Variants in EYS observed in about 807,000 individuals in gnomAD.
EYS encodes the protein EGF-like photoreceptor maintenance factor.
EYS carries 250 observed loss-of-function variants against 282.1 expected under a neutral mutation model. The ratio of observed to expected loss-of-function variants is 0.89; its 90% CI spans 0.80 to 0.98. EYS has a LOEUF of 0.98. EYS is among the 50% of genes least tolerant of loss of function. The pLI, the probability that EYS is intolerant of heterozygous loss-of-function variation, is 0.00. For synonymous variants in EYS, 1,355 were observed against 1,282.9 expected (o/e 1.06, Z -1.20); for missense variants, 4,016 against 3,709.0 (o/e 1.08, Z -2.15).
intron 30 of EYS, among the ~76,000 whole-genome samples, chr6:64,281,326 G>A (rs1350748432): frequency 6.6e-6 from 1 of 152,068 alleles, no homozygotes; most frequent in Admixed American, 6.6e-5. Flanking sequence ...TGTGAGAAAT[G>A]AGTAGTGCTA....
chr6:64,877,091 G>T (rs913432079), intron 19 of EYS, among the ~76,000 whole-genome samples: 2 of 152,132 alleles, frequency 1.3e-5, no homozygotes, highest in African/African-American at 2.4e-5. Flanking sequence ...TTGCAATATA[G>T]GTTGTGAAAG....
intron 8 of EYS, among the ~76,000 whole-genome samples, chr6:65,367,625 C>T (rs1202659769): frequency 2.0e-5 from 3 of 151,418 alleles, no homozygotes; most frequent in African/African-American, 7.3e-5. Context: ...AAAAGTTCCG[C>T]TGAAAAAAAG....
At chr6:64,655,357 C>T (rs570885574) in intron 22 of EYS, among the ~76,000 whole-genome samples, 1 of 87,442 alleles carries the variant, frequency 1.1e-5, no homozygotes, top group Admixed American at 1.1e-4. Flanking sequence ...TCTTTTTCTG[C>T]TCAAAGTCTA....
intron 22 of EYS, among the ~76,000 whole-genome samples, chr6:64,694,302 A>G (rs1445980990): frequency 6.6e-6 from 1 of 152,204 alleles, no homozygotes; most frequent in Non-Finnish European, 1.5e-5. Context: ...AAACCATTGA[A>G]TGCTTTTAAA....
At chr6:65,443,867 G>GA (rs1215729590) in intron 5 of EYS, among the ~76,000 whole-genome samples, 1 of 151,516 alleles carries the variant, frequency 6.6e-6, no homozygotes, top group Non-Finnish European at 1.5e-5. Context: ...TAAATTAAAT[G>GA]AAAAAAATCT....
chr6:64,340,978 A>C (rs761264351), intron 29 of EYS, among the ~76,000 whole-genome samples: 60 of 151,738 alleles, frequency 4.0e-4, no homozygotes, highest in Non-Finnish European at 7.8e-4. Context: ...CATTGTCACT[A>C]ATCATCAGAG....
chr6:63,747,431 G>A (rs915555536), intron 41 of EYS, among the ~76,000 whole-genome samples: 5 of 152,144 alleles, frequency 3.3e-5, no homozygotes, highest in Admixed American at 2.0e-4. Flanking sequence ...TGTTGATTTG[G>A]GGTAAAGAGT....
chr6:65,424,318 G>A (rs1323944954), intron 5 of EYS, among the ~76,000 whole-genome samples: 1 of 151,154 alleles, frequency 6.6e-6, no homozygotes, highest in Admixed American at 6.6e-5. Flanking sequence ...TTTTCTGATG[G>A]TCTGTGAATT....
rs749901918 is a variant in EYS, at chr6:65,271,836, AG to A, written c.2023+24026del. 9.2e-5 allele frequency among the ~76,000 whole-genome samples: 14 copies of A among 152,238 alleles called. No individual in the cohort carries two copies. The East Asian group carries it at 1.6e-3, about 17-fold the overall frequency. ...TGACGTCAAGCGATCCACCTGCCTC[AG>A]CCTCCCAAAGTGCTGGAATTGCAGG... On this transcript the variant is annotated intron_variant, in intron 12 of 42. Coordinates refer to ENST00000503581, the MANE Select transcript of EYS (RefSeq NM_001142800.2).
chr6:63,853,938 A>G (rs982869898), intron 36 of EYS, among the ~76,000 whole-genome samples: 2 of 152,074 alleles, frequency 1.3e-5, no homozygotes, highest in African/African-American at 4.8e-5. Context: ...CATATGCAGA[A>G]AACTGAAACT....
At chr6:64,647,655 AC>A (rs1464709969) in intron 22 of EYS, among the ~76,000 whole-genome samples, 1 of 152,188 alleles carries the variant, frequency 6.6e-6, no homozygotes, top group East Asian at 1.9e-4. Context: ...TAATGAACAT[AC>A]ATTGTTTCTA....
intron 12 of EYS, among the ~76,000 whole-genome samples, chr6:65,136,832 C>T (rs1581943438): frequency 6.6e-6 from 1 of 152,076 alleles, no homozygotes; most frequent in South Asian, 2.1e-4. Flanking sequence ...CATGTGCACA[C>T]CACCACACCT....
At chr6:64,552,961 A>T (rs968535820) in intron 26 of EYS, among the ~76,000 whole-genome samples, 23 of 129,732 alleles carry the variant, frequency 1.8e-4, no homozygotes, top group Admixed American at 6.9e-4. Flanking sequence ...AAAATCTTTG[A>T]ATTCAGCTAT....
At chr6:64,927,174 C>T (rs1360893357) in intron 15 of EYS, among the ~76,000 whole-genome samples, 1 of 152,038 alleles carries the variant, frequency 6.6e-6, no homozygotes, top group Non-Finnish European at 1.5e-5. Flanking sequence ...ATTATTAGCT[C>T]GAATAATGTG....
chr6:65,514,537 C>G (rs1767042564), intron 2 of EYS, among the ~76,000 whole-genome samples: 3 of 152,286 alleles, frequency 2.0e-5, no homozygotes, highest in Middle Eastern at 3.4e-3. Context: ...TGACTTCAAA[C>G]TATACTACAA....
chr6:64,782,309 C>T (rs1773887104), intron 22 of EYS, among the ~76,000 whole-genome samples: 1 of 152,188 alleles, frequency 6.6e-6, no homozygotes, highest in Non-Finnish European at 1.5e-5. Flanking sequence ...TATTGAAACT[C>T]TATTTTAGAG....
intron 36 of EYS, among the ~76,000 whole-genome samples, chr6:63,856,015 GTT>G (rs35464160): frequency 0.069 from 9,522 of 138,296 alleles, 396 homozygotes; most frequent in East Asian, 0.17. Flanking sequence ...TTTCAGTGAA[GTT>G]TTTTTTTTTT....
At chr6:63,971,115 C>T (rs1402492544) in intron 35 of EYS, among the ~76,000 whole-genome samples, 2 of 152,160 alleles carry the variant, frequency 1.3e-5, no homozygotes, top group Non-Finnish European at 2.9e-5. Context: ...CTACAGTTAA[C>T]CTCCAACCTT....
intron 26 of EYS, among the ~76,000 whole-genome samples, chr6:64,451,693 G>C (rs1366032216): frequency 1.3e-5 from 2 of 152,162 alleles, no homozygotes; most frequent in Non-Finnish European, 2.9e-5. Context: ...CGGGATGCAA[G>C]GCTGGTTCAA....
Sources: gnomAD v4.1 joint callset for allele counts (sites outside exome capture counted in the v4.1 genomes callset) on GRCh38, gnomAD v4.1.1 for gene constraint, MANE v1.5 for transcripts, NCBI Gene and HGNC (gene_info 2026-07-23, HGNC 2026-07-21) for gene names.